The following SCHIP1 variants were observed in gnomAD, a reference collection of about 807,000 sequenced individuals.
SCHIP1 encodes schwannomin-interacting protein 1.
SCHIP1 carries 8 observed loss-of-function variants against 29.7 expected under a neutral mutation model. That is an observed-to-expected ratio of 0.27 (90% CI 0.16 to 0.49). SCHIP1 has a LOEUF of 0.49. Among genes scored for constraint, SCHIP1 ranks in the 20% least tolerant of loss-of-function variants. The probability of loss-of-function intolerance (pLI) is 0.99; values close to 1 mark genes in which losing one functional copy is unlikely to be tolerated. For missense variants in SCHIP1, 193 were observed against 294.6 expected (o/e 0.66, Z 2.52); for synonymous variants, 76 against 94.9 (o/e 0.80, Z 1.16).
At chr3:159,675,058 G>A in the SCHIP1 span, among the ~76,000 whole-genome samples, 17 of 152,226 alleles carry the variant, frequency 1.1e-4, no homozygotes, top group Admixed American at 8.5e-4. Context: ...CTGTGCTTCA[G>A]AGTCAAGCTT....
chr3:159,709,870 G>A, the SCHIP1 span, among the ~76,000 whole-genome samples: 2 of 152,140 alleles, frequency 1.3e-5, no homozygotes, highest in Non-Finnish European at 2.9e-5. Flanking sequence ...TTTAATAGGG[G>A]TATTAAACAT....
chr3:159,659,485 A>T, the SCHIP1 span, among the ~76,000 whole-genome samples: 1 of 152,204 alleles, frequency 6.6e-6, no homozygotes, highest in African/African-American at 2.4e-5. Flanking sequence ...GGAGTGGATG[A>T]GATATTTACC....
the SCHIP1 span, among the ~76,000 whole-genome samples, chr3:159,537,387 G>A: frequency 1.3e-5 from 2 of 152,040 alleles, no homozygotes; most frequent in African/African-American, 2.4e-5. Context: ...AGGATTACTC[G>A]CCCTCTCGAC....
At chr3:159,365,937 C>T in the SCHIP1 span, among the ~76,000 whole-genome samples, 2 of 152,130 alleles carry the variant, frequency 1.3e-5, no homozygotes, top group African/African-American at 4.8e-5. Context: ...TCCCAACAAC[C>T]ACTTAAATAT....
the SCHIP1 span, among the ~76,000 whole-genome samples, chr3:159,604,398 G>C: frequency 2.6e-5 from 4 of 152,156 alleles, no homozygotes; most frequent in Admixed American, 2.6e-4. Context: ...TCTCCTTGCT[G>C]TCTCCTCATG....
the SCHIP1 span, among the ~76,000 whole-genome samples, chr3:159,513,607 C>T: frequency 6.6e-5 from 10 of 152,102 alleles, no homozygotes; most frequent in South Asian, 4.1e-4. Context: ...TCCTCCAGCC[C>T]GGCTGCCACT....
chr3:159,293,367 A>C, the SCHIP1 span, among the ~76,000 whole-genome samples: 2 of 152,210 alleles, frequency 1.3e-5, no homozygotes, highest in Non-Finnish European at 2.9e-5. Context: ...CAGCGCAAGG[A>C]AAAGTGTCCT....
the SCHIP1 span, among the ~76,000 whole-genome samples, chr3:159,728,491 A>G: frequency 1.3e-5 from 2 of 152,198 alleles, no homozygotes; most frequent in Admixed American, 1.3e-4. Flanking sequence ...TTCCATGCCT[A>G]AGTAATGTCT....
chr3:159,450,996 G>T, the SCHIP1 span, among the ~76,000 whole-genome samples: 32 of 151,970 alleles, frequency 2.1e-4, no homozygotes, highest in Non-Finnish European at 4.0e-4. Context: ...TTTTAGTAGA[G>T]ACAGGGTTTC....
chr3:159,746,481 T>A, the SCHIP1 span, among the ~76,000 whole-genome samples: 2 of 152,246 alleles, frequency 1.3e-5, no homozygotes, highest in African/African-American at 4.8e-5. Flanking sequence ...TTATAAATGG[T>A]GCAGATCTAT....
the SCHIP1 span, among the ~76,000 whole-genome samples, chr3:159,694,537 C>CAGGAAAGAAAGAAAGAAAGA: frequency 1.9e-4 from 23 of 119,460 alleles, no homozygotes; most frequent in African/African-American, 7.3e-4. Flanking sequence ...AAAGAAAAGA[C>CAGGAAAGAAAGAAAGAAAGA]AAGAAAGAAA....
At chr3:159,869,678 G>T (rs1184141294) in intron 2 of SCHIP1, among the ~76,000 whole-genome samples, 1 of 151,806 alleles carries the variant, frequency 6.6e-6, no homozygotes, top group East Asian at 1.9e-4. Flanking sequence ...GAAGTATGCT[G>T]CCTGTTACGG....
chr3:159,731,503 T>C, the SCHIP1 span, among the ~76,000 whole-genome samples: 3 of 152,220 alleles, frequency 2.0e-5, no homozygotes, highest in African/African-American at 7.2e-5. Context: ...CGTGTTTATC[T>C]GTTTCGGAAG....
the SCHIP1 span, among the ~76,000 whole-genome samples, chr3:159,333,042 A>C: frequency 6.6e-6 from 1 of 152,192 alleles, no homozygotes; most frequent in Non-Finnish European, 1.5e-5. Flanking sequence ...AGAAGAGATG[A>C]TACTGAAAGA....
the SCHIP1 span, among the ~76,000 whole-genome samples, chr3:159,489,807 A>C: frequency 6.6e-6 from 1 of 152,156 alleles, no homozygotes; most frequent in African/African-American, 2.4e-5. Context: ...AATAGAAAGA[A>C]TTCTAAGACA....
chr3:159,582,368 T>G, the SCHIP1 span, among the ~76,000 whole-genome samples: 1 of 151,986 alleles, frequency 6.6e-6, no homozygotes, highest in Non-Finnish European at 1.5e-5. Flanking sequence ...TGTCTTACTA[T>G]GTTGCCAGGG....
chr3:159,702,074 A>G, the SCHIP1 span, among the ~76,000 whole-genome samples: 1 of 152,222 alleles, frequency 6.6e-6, no homozygotes, highest in African/African-American at 2.4e-5. Context: ...AAATTTCCTG[A>G]AAGTTCTAAC....
the SCHIP1 span, among the ~76,000 whole-genome samples, chr3:159,506,126 C>A: frequency 6.6e-6 from 1 of 152,218 alleles, no homozygotes; most frequent in Admixed American, 6.5e-5. Flanking sequence ...TCCTCTCCAG[C>A]ACCTGTTGTT....
At chr3:159,620,338 G>GAA in the SCHIP1 span, among the ~76,000 whole-genome samples, 1 of 152,142 alleles carries the variant, frequency 6.6e-6, no homozygotes, top group Non-Finnish European at 1.5e-5. Flanking sequence ...TGGAAAATGG[G>GAA]AAACAGGATA....
Sources: gnomAD v4.1 joint callset for allele counts (sites outside exome capture counted in the v4.1 genomes callset) on GRCh38, gnomAD v4.1.1 for gene constraint, MANE v1.5 for transcripts, NCBI Gene and HGNC (gene_info 2026-07-23, HGNC 2026-07-21) for gene names.